The following IL17REL variants were observed in gnomAD, a reference collection of about 807,000 sequenced individuals.
IL17REL encodes interleukin 17 receptor E like.
Under a neutral mutation model 49.0 loss-of-function variants are expected in IL17REL, and 36 were observed. The observed-to-expected ratio is 0.73, with a 90% CI of 0.56 to 0.97. The LOEUF (loss-of-function observed/expected upper bound fraction) is 0.97, where lower values mean the gene tolerates loss of function less well. IL17REL is among the 50% of genes least tolerant of loss of function. The probability of loss-of-function intolerance (pLI) is 0.00; values close to 1 mark genes in which losing one functional copy is unlikely to be tolerated. For missense variants in IL17REL, 470 were observed against 453.9 expected (o/e 1.04, Z -0.32); for synonymous variants, 206 against 192.4 (o/e 1.07, Z -0.58).
chr22:50,010,003 A>AGCGGCAGTCAGTGACCCT (rs1229963278), upstream of IL17REL, among the ~76,000 whole-genome samples: 1 of 12,310 alleles, frequency 8.1e-5, no homozygotes, highest in Admixed American at 4.6e-4. Context: ...GTGTGGAATC[A>AGCGGCAGTCAGTGACCCT]CGTGCTACTA....
chr22:49,993,891 G>A (rs1442560446), downstream of IL17REL, among the ~76,000 whole-genome samples: 4 of 152,126 alleles, frequency 2.6e-5, no homozygotes, highest in East Asian at 3.9e-4. This position sits in a 1 kb window ranked among gnomAD's most constrained non-coding sequence, Gnocchi z 6.0. Flanking sequence ...AACCTGGGGC[G>A]GGGACTGCCC....
At chr22:50,004,946 C>G (rs1780697286) in intron 1 of IL17REL, among the ~76,000 whole-genome samples, 1 of 118,620 alleles carries the variant, frequency 8.4e-6, no homozygotes, top group Admixed American at 9.1e-5. Context: ...TCCAGGCAAC[C>G]AAGAAAGAAT....
At chr22:49,996,905 C>G in intron 12 of IL17REL, 45 bp from the exon 15 acceptor site, 2 of 671,770 alleles carry the variant, frequency 3.0e-6, no homozygotes, top group East Asian at 5.8e-5. Flanking sequence ...CCTGCTTCCC[C>G]CGGGGATGGG....
At chr22:50,007,704 T>C (rs2061117687) in intron 1 of IL17REL, among the ~76,000 whole-genome samples, 1 of 152,240 alleles carries the variant, frequency 6.6e-6, no homozygotes, top group South Asian at 2.1e-4. Flanking sequence ...GTTTGTTTGT[T>C]ACTATAGTCC....
intron 7 of IL17REL, among the ~76,000 whole-genome samples, chr22:49,998,755 G>GTATGTGTATGGGTGTGTA (rs570968380): frequency 5.4e-5 from 8 of 147,794 alleles, no homozygotes; most frequent in African/African-American, 2.1e-4. Flanking sequence ...GCATGGGTGC[G>GTATGTGTATGGGTGTGTA]TGTGCATGGG....
At chr22:49,997,919 G>A (rs1005820924) in intron 9 of IL17REL, 106 bp downstream of exon 11, 17 of 1,489,110 alleles carry the variant, frequency 1.1e-5, no homozygotes, top group Non-Finnish European at 1.3e-5. Context: ...GGACGCCTGG[G>A]AGGCTAGGCT....
chr22:50,009,566 C>G (rs945755537), upstream of IL17REL, among the ~76,000 whole-genome samples: 2 of 150,122 alleles, frequency 1.3e-5, no homozygotes, highest in Non-Finnish European at 3.0e-5. Flanking sequence ...CTGTGCAGCC[C>G]GCGGTCAACA....
chr22:50,007,939 A>G (rs1269811239), intron 1 of IL17REL, among the ~76,000 whole-genome samples: 7 of 151,444 alleles, frequency 4.6e-5, no homozygotes, highest in Non-Finnish European at 7.4e-5. Context: ...ATATTTGGCT[A>G]CACAAATGTC....
intron 1 of IL17REL, among the ~76,000 whole-genome samples, chr22:50,002,453 G>A (rs905158633): frequency 5.3e-5 from 8 of 151,550 alleles, no homozygotes; most frequent in South Asian, 2.1e-4. Flanking sequence ...AATGAAGTCC[G>A]AATATGCTAT....
chr22:50,001,970 C>T (rs1418092363), intron 1 of IL17REL, among the ~76,000 whole-genome samples: 4 of 152,208 alleles, frequency 2.6e-5, no homozygotes, highest in African/African-American at 7.2e-5. Flanking sequence ...TCAGCGGAGC[C>T]CACACTGAAC....
chr22:50,002,552 T>C (rs1029207912), intron 1 of IL17REL, among the ~76,000 whole-genome samples: 2 of 149,062 alleles, frequency 1.3e-5, no homozygotes, highest in Non-Finnish European at 3.0e-5. Context: ...TGGAGCATAG[T>C]GGAGTGATCT....
At chr22:49,993,485 G>A (rs1215910634), downstream of IL17REL, among the ~76,000 whole-genome samples, 1 of 152,106 alleles carries the variant, frequency 6.6e-6, no homozygotes, top group East Asian at 1.9e-4. The surrounding 1 kb of genome is among the most constrained non-coding windows in gnomAD (Gnocchi z 6.0). Flanking sequence ...GGCTGTGGGC[G>A]CTCCGTGTTG....
rs768601257 is a variant in IL17REL, at chr22:49,997,761, G to A, written c.820-19C>T. On this transcript the variant is annotated intron_variant, in intron 9 of 12. Transcript: ENST00000341280. ...TAGAGAACTGCAAAGTGGGGTGAGG[G>A]GTGCAGGAGGGTGGAGTGTGTGTGA... 3 of 1,612,892 alleles carry A rather than the reference G, an allele frequency of 1.9e-6. No homozygotes were observed. The highest frequency in any genetic ancestry group is 3.3e-5 in the Admixed American group (2 of 60,020).
At chr22:50,002,877 G>A (rs1433286479) in intron 1 of IL17REL, among the ~76,000 whole-genome samples, 1 of 152,218 alleles carries the variant, frequency 6.6e-6, no homozygotes, top group Non-Finnish European at 1.5e-5. Context: ...GAGACAGCTG[G>A]GAAACCAAGG....
At chr22:50,002,620 G>C (rs567172739) in intron 1 of IL17REL, among the ~76,000 whole-genome samples, 1 of 151,082 alleles carries the variant, frequency 6.6e-6, no homozygotes, top group East Asian at 1.9e-4. Context: ...TCAGCCTCAC[G>C]AGTAGTCGGG....
chr22:49,998,233 G>A (rs1001860830), exon 8 of IL17REL: 1 of 1,612,478 alleles, frequency 6.2e-7, no homozygotes, highest in Non-Finnish European at 8.5e-7. Context: ...TCACAGGGCA[G>A]GCGGGCTCCC....
At chr22:49,997,101 C>A in intron 11 of IL17REL, 27 bp from the exon 14 acceptor site, 1 of 1,569,788 alleles carries the variant, frequency 6.4e-7, no homozygotes, top group Admixed American at 2.0e-5. Flanking sequence ...AGGTCACAGG[C>A]AATGGGAGGA....
chr22:50,005,424 G>A (rs1601891324), intron 1 of IL17REL, among the ~76,000 whole-genome samples: 1 of 152,186 alleles, frequency 6.6e-6, no homozygotes, highest in Non-Finnish European at 1.5e-5. Flanking sequence ...GCAGCGAGGA[G>A]CAGGGAATGG....
At chr22:50,000,292 C>T (rs1027238826) in intron 4 of IL17REL, among the ~76,000 whole-genome samples, 52 bp from the exon 6 acceptor site, 1 of 152,212 alleles carries the variant, frequency 6.6e-6, no homozygotes, top group East Asian at 1.9e-4. Flanking sequence ...CCCTCAGGGG[C>T]CATCCTCCTC....
Sources: gnomAD v4.1 joint callset for allele counts (sites outside exome capture counted in the v4.1 genomes callset) on GRCh38, gnomAD v4.1.1 for gene constraint, Gnocchi (gnomAD v3.1) non-coding constraint, MANE v1.5 for transcripts, NCBI Gene and HGNC (gene_info 2026-07-23, HGNC 2026-07-21) for gene names.